The following RELN variants were observed in gnomAD, a reference collection of about 807,000 sequenced individuals.
RELN encodes the protein reelin.
Under a neutral mutation model 427.6 loss-of-function variants are expected in RELN, and 108 were observed. The ratio of observed to expected loss-of-function variants is 0.25; its 90% CI spans 0.22 to 0.30. RELN has a LOEUF of 0.30. RELN is among the 10% of genes least tolerant of loss of function. The pLI is 1.00. For missense variants in RELN, 3,715 were observed against 4,302.8 expected (o/e 0.86, Z 3.82); for synonymous variants, 1,524 against 1,513.4 (o/e 1.01, Z -0.16).
chr7:103,743,526 T>C (rs903240935), intron 6 of RELN, among the ~76,000 whole-genome samples: 9 of 152,158 alleles, frequency 5.9e-5, no homozygotes, highest in South Asian at 2.1e-4. Context: ...CCATCTCACG[T>C]GCAGAGACAT....
rs184128313 is a variant in RELN, at chr7:103,503,340, T to A, written c.8275-110A>T. The A allele has an allele frequency of 5.7e-3, 4,796 of 846,546 alleles. 31 individuals carry two copies. The highest frequency in any genetic ancestry group is 7.0e-3 in the Non-Finnish European group (3,573 of 507,354). The allele number at this position is 846,546 out of a possible 1,614,324, so 52.4% of individuals were successfully genotyped here. A position where few individuals can be genotyped will look rare whatever the true frequency, so the allele number is the denominator to read the frequency against. On this transcript the variant is annotated intron_variant, in intron 51 of 64. Transcript: ENST00000428762. ...ATCACTTGATATACACTGTACCACATCCATCCTGTATTTTCAGATTCATTA... is the reference window on the plus strand; with the variant it reads ...ATCACTTGATATACACTGTACCACAACCATCCTGTATTTTCAGATTCATTA...
chr7:103,750,371 G>A (rs1411790969), intron 5 of RELN, among the ~76,000 whole-genome samples: 1 of 152,118 alleles, frequency 6.6e-6, no homozygotes, highest in East Asian at 1.9e-4. Context: ...TTCCCCTTCT[G>A]CCACAATTGT....
rs1218713913 is a variant in RELN, at chr7:103,755,694, T to TAGTC, written c.545-2484_545-2481dup. ...AGCCAGGTGTGGTGGCGGGTGCCTG[T>TAGTC]AGTCCCAGCTACTCAGGAGGCTGAG... is the stretch of plus-strand genomic sequence containing the variant. On this transcript the variant is annotated intron_variant, in intron 4 of 64. Transcript: ENST00000428762. Among the ~76,000 whole-genome samples the TAGTC allele has an allele frequency of 2.7e-5, 4 of 149,252 alleles. No homozygotes were observed. The East Asian group carries it at 7.8e-4, about 29-fold the overall frequency.
intron 6 of RELN, among the ~76,000 whole-genome samples, chr7:103,732,425 G>A (rs1012495539): frequency 6.6e-6 from 1 of 152,012 alleles, no homozygotes; most frequent in Non-Finnish European, 1.5e-5. Context: ...TGCCCATTAA[G>A]GTGATCTTCC....
chr7:103,906,346 G>A (rs1487834415), intron 2 of RELN, among the ~76,000 whole-genome samples: 1 of 152,090 alleles, frequency 6.6e-6, no homozygotes, highest in Admixed American at 6.5e-5. Flanking sequence ...CATAAAATAA[G>A]GAGAATTATA....
chr7:103,759,610 T>A (rs986957111), intron 4 of RELN, among the ~76,000 whole-genome samples: 3 of 152,120 alleles, frequency 2.0e-5, no homozygotes, highest in African/African-American at 7.2e-5. Flanking sequence ...GGTGAAAAAT[T>A]ATTTTTAAAA....
intron 3 of RELN, among the ~76,000 whole-genome samples, chr7:103,817,887 G>C (rs903307278): frequency 7.6e-6 from 1 of 131,898 alleles, no homozygotes; most frequent in African/African-American, 2.8e-5. Flanking sequence ...AGAGGTTGCA[G>C]TGAGCTGAGA....
chr7:103,797,368 G>T (rs1277043199), intron 3 of RELN, among the ~76,000 whole-genome samples: 2 of 152,164 alleles, frequency 1.3e-5, no homozygotes, highest in Non-Finnish European at 2.9e-5. Context: ...GCCTCCCAAA[G>T]TAGTGGGATT....
intron 4 of RELN, among the ~76,000 whole-genome samples, chr7:103,754,739 ACACT>A (rs1298170847): frequency 6.6e-6 from 1 of 152,110 alleles, no homozygotes; most frequent in African/African-American, 2.4e-5. Context: ...ATGCAACATC[ACACT>A]CCAGCCTGAG....
At chr7:103,825,547 C>A (rs1198160353) in intron 3 of RELN, among the ~76,000 whole-genome samples, 3 of 152,098 alleles carry the variant, frequency 2.0e-5, no homozygotes, top group African/African-American at 7.2e-5. Flanking sequence ...TGGCAAAAAA[C>A]TTAGTTTTGC....
At chr7:103,773,238 CCTGT>C (rs1355514391) in intron 4 of RELN, among the ~76,000 whole-genome samples, 2 of 56,824 alleles carry the variant, frequency 3.5e-5, no homozygotes, top group Non-Finnish European at 6.0e-5. Flanking sequence ...TCGCTCCCTC[CCTGT>C]CTCTCTCTCC....
rs564793249 is a variant in RELN at position 103,620,051 on chromosome 7, G to A, written c.2703-8248C>T. On this transcript the variant is annotated intron_variant, in intron 20 of 64. Transcript: ENST00000428762. The surrounding 1 kb of genome is among the most constrained non-coding windows in gnomAD (Gnocchi z 4.1). The stretch of plus-strand genomic sequence containing the variant: ...CACCCAAATCTCATCTTGCATTGTG[G>A]TGCCCATAATTCCTACGTGTTGTGG... Among the ~76,000 whole-genome samples, 1 of 152,262 alleles carries A rather than the reference G, an allele frequency of 6.6e-6. No individual in the cohort carries two copies. Among genetic ancestry groups the A allele is most frequent in the African/African-American group, 2.4e-5 (1 of 41,556 alleles).
chr7:103,495,956 C>T, intron 56 of RELN, 58 bp from the exon 57 acceptor site: 1 of 1,564,988 alleles, frequency 6.4e-7, no homozygotes, highest in Non-Finnish European at 8.8e-7. Flanking sequence ...AAATTGGAAG[C>T]AATATGGCAT....
rs727504125 is a variant in RELN at position 103,565,444 on chromosome 7, C to T, written c.5044G>A (p.Val1682Ile). ...TTGTTCAGAGAATACTGGAGCTGTACACTGTGGGAGTTGCTGAAGGGCTTG... is the reference window on the plus strand; with the variant it reads ...TTGTTCAGAGAATACTGGAGCTGTATACTGTGGGAGTTGCTGAAGGGCTTG... Reference protein sequence around the residue: ...CSKPFSNSHSVQLQYSLNNGK... With the variant: ...CSKPFSNSHSIQLQYSLNNGK... Residue 1682 changes from valine to isoleucine, a missense_variant, in exon 34 of 65, where the codon GTA (valine) becomes ATA (isoleucine). Around this residue, in one of 4 missense-constraint regions of RELN, gnomAD observed 2,208 missense variants for 2,361.7 expected, o/e 0.93. Coordinates refer to ENST00000428762, the MANE Select transcript of RELN (RefSeq NM_005045.4). 5.6e-6 allele frequency: 9 copies of T among 1,613,784 alleles called. No homozygotes were observed. The highest frequency in any genetic ancestry group is 3.3e-5 in the Admixed American group (2 of 59,952).
intron 2 of RELN, among the ~76,000 whole-genome samples, chr7:103,854,822 G>T (rs1793905636): frequency 1.3e-5 from 2 of 152,186 alleles, no homozygotes; most frequent in African/African-American, 4.8e-5. Context: ...AATCTAGCCT[G>T]AAGATTCCGG....
intron 4 of RELN, among the ~76,000 whole-genome samples, chr7:103,770,339 C>T (rs2116174924): frequency 6.6e-6 from 1 of 152,318 alleles, no homozygotes; most frequent in South Asian, 2.1e-4. Context: ...CCGTCTTGGC[C>T]TCCCAAAGTG....
intron 20 of RELN, among the ~76,000 whole-genome samples, chr7:103,622,153 T>C (rs1832235714): frequency 6.6e-6 from 1 of 152,242 alleles, no homozygotes; most frequent in African/African-American, 2.4e-5. Context: ...TCCTTACTTC[T>C]GAAACCTCAC....
chr7:103,789,427 C>T (rs1310722691), intron 3 of RELN, among the ~76,000 whole-genome samples: 2 of 152,060 alleles, frequency 1.3e-5, no homozygotes, highest in Admixed American at 6.6e-5. Flanking sequence ...GAGAAAATTT[C>T]TGCAATCTAT....
At chr7:103,520,725 AT>A (rs1829680052) in intron 48 of RELN, among the ~76,000 whole-genome samples, 1 of 151,872 alleles carries the variant, frequency 6.6e-6, no homozygotes, top group Non-Finnish European at 1.5e-5. Flanking sequence ...TGATATACGG[AT>A]TTTTTTTAGT....
Sources: gnomAD v4.1 joint callset for allele counts (sites outside exome capture counted in the v4.1 genomes callset) on GRCh38, gnomAD v4.1.1 for gene constraint, gnomAD v4.1.1 regional missense constraint, Gnocchi (gnomAD v3.1) non-coding constraint, MANE v1.5 for transcripts, NCBI Gene and HGNC (gene_info 2026-07-23, HGNC 2026-07-21) for gene names.